The following POPDC2 variants were observed in gnomAD, a reference collection of about 807,000 sequenced individuals.
The protein encoded by POPDC2 is popeye domain-containing protein 2.
A neutral mutation model predicts 30.5 loss-of-function variants in POPDC2; 24 were observed. That is an observed-to-expected ratio of 0.79 (90% CI 0.57 to 1.11). POPDC2 has a LOEUF of 1.11. POPDC2 is among the 50% of genes least tolerant of loss of function. The pLI, the probability that POPDC2 is intolerant of heterozygous loss-of-function variation, is 0.00. For synonymous variants in POPDC2, 185 were observed against 183.3 expected, an observed-to-expected ratio of 1.01 and a Z score of -0.07; for missense variants, 409 against 447.0, an observed-to-expected ratio of 0.91 and a Z score of 0.77.
At chr3:119,648,054 C>T in intron 3 of POPDC2, 65 bp downstream of exon 3, 1 of 1,306,288 alleles carries the variant, frequency 7.7e-7, no homozygotes, top group Non-Finnish European at 1.0e-6. Flanking sequence ...TTTTTTTGCC[C>T]TAACAAGCTG....
At chr3:119,654,816 A>C in intron 1 of POPDC2, 1 of 531,292 alleles carries the variant, frequency 1.9e-6, no homozygotes, top group South Asian at 2.5e-5. Flanking sequence ...GACTTCCAGA[A>C]CCCTCATTTT....
intron 1 of POPDC2, among the ~76,000 whole-genome samples, chr3:119,659,598 T>A (rs1041107905): frequency 6.6e-6 from 1 of 152,232 alleles, no homozygotes; most frequent in Non-Finnish European, 1.5e-5. Flanking sequence ...AGCTTAGGCA[T>A]GACACACTGA....
At chr3:119,660,624 C>T (rs1380659026), upstream of POPDC2, 3 of 522,784 alleles carry the variant, frequency 5.7e-6, no homozygotes, top group Admixed American at 6.7e-5. Context: ...ATTTAAAAAC[C>T]TCTTTCTCTC....
At chr3:119,646,845 A>C (rs1242148629) in intron 3 of POPDC2, among the ~76,000 whole-genome samples, 7 of 152,346 alleles carry the variant, frequency 4.6e-5, no homozygotes, top group Non-Finnish European at 2.9e-5. Flanking sequence ...TCCATAGGAC[A>C]TAAGGAGCAT....
At chr3:119,643,367 CT>C in intron 3 of POPDC2, 1 of 1,534,220 alleles carries the variant, frequency 6.5e-7, no homozygotes, top group Non-Finnish European at 8.7e-7. Flanking sequence ...TTTGCTGTAC[CT>C]TTTGTTGTCA....
At chr3:119,649,275 G>A (rs1392871537) in intron 2 of POPDC2, among the ~76,000 whole-genome samples, 1 of 152,096 alleles carries the variant, frequency 6.6e-6, no homozygotes, top group African/African-American at 2.4e-5. Context: ...TCTGATGACT[G>A]AAATCAGAAA....
intron 2 of POPDC2, 64 bp downstream of exon 2, chr3:119,654,441 C>T (rs564273703): frequency 5.5e-6 from 6 of 1,091,522 alleles, no homozygotes; most frequent in South Asian, 5.1e-5. Context: ...AACATGGAGG[C>T]ACGGATATTG....
At chr3:119,650,719 C>T (rs1407427703) in intron 2 of POPDC2, among the ~76,000 whole-genome samples, 1 of 152,240 alleles carries the variant, frequency 6.6e-6, no homozygotes, top group Non-Finnish European at 1.5e-5. Context: ...ACTTGGTGAG[C>T]TCATCCTATC....
At chr3:119,642,773 C>T (rs2052705564) in intron 3 of POPDC2, among the ~76,000 whole-genome samples, 1 of 152,184 alleles carries the variant, frequency 6.6e-6, no homozygotes, top group African/African-American at 2.4e-5. Flanking sequence ...CTAGCCCAAT[C>T]CTCTCCTATT....
intron 1 of POPDC2, chr3:119,654,825 T>C: frequency 1.9e-6 from 1 of 528,262 alleles, no homozygotes; most frequent in Non-Finnish European, 3.4e-6. Context: ...AACCCTCATT[T>C]TTCCTCCTCC....
At chr3:119,649,826 C>G (rs923396587) in intron 2 of POPDC2, among the ~76,000 whole-genome samples, 1 of 152,110 alleles carries the variant, frequency 6.6e-6, no homozygotes, top group Non-Finnish European at 1.5e-5. Flanking sequence ...TCTCTTCTTT[C>G]CTTTCTGCTA....
At chr3:119,646,788 T>C (rs2052750499) in intron 3 of POPDC2, among the ~76,000 whole-genome samples, 1 of 151,346 alleles carries the variant, frequency 6.6e-6, no homozygotes, top group Non-Finnish European at 1.5e-5. Context: ...CTGCTGTGAG[T>C]CGAAGAGAGA....
chr3:119,646,505 G>A (rs374974460), intron 3 of POPDC2, among the ~76,000 whole-genome samples: 2 of 152,102 alleles, frequency 1.3e-5, no homozygotes, highest in South Asian at 2.1e-4. Flanking sequence ...CAGGCACAGC[G>A]ACATGTGCCT....
In POPDC2 at chr3:119,646,553, C is replaced by T. The variant is rs145785392; in HGVS notation, c.*43+1566G>A. 5.5e-3 allele frequency among the ~76,000 whole-genome samples: 836 copies of T among 152,144 alleles called. 11 individuals are homozygous for T. The highest frequency in any genetic ancestry group is 0.019 in the African/African-American group (774 of 41,502). ...ACTTGGGAGGCTGGGATGGGAGGAT[C>T]GCTTGAGCTTTTGGAGGTAGAGATT... On this transcript the variant is annotated intron_variant, in intron 3 of 3. Coordinates refer to ENST00000493094, the MANE Select transcript of POPDC2 (RefSeq NM_001369919.2).
At chr3:119,656,934 T>C (rs945893293) in intron 1 of POPDC2, among the ~76,000 whole-genome samples, 1 of 152,208 alleles carries the variant, frequency 6.6e-6, no homozygotes, top group African/African-American at 2.4e-5. Context: ...GTCTTTGTCT[T>C]TGAGGATTTC....
chr3:119,654,234 G>A (rs2052850925), intron 2 of POPDC2, among the ~76,000 whole-genome samples: 1 of 152,220 alleles, frequency 6.6e-6, no homozygotes, highest in Non-Finnish European at 1.5e-5. Flanking sequence ...CCTATAACAA[G>A]TGTGGGTTTT....
At chr3:119,657,686 C>T (rs1055823592) in intron 1 of POPDC2, among the ~76,000 whole-genome samples, 3 of 152,232 alleles carry the variant, frequency 2.0e-5, no homozygotes, top group Admixed American at 6.5e-5. Flanking sequence ...AGGCAAGCCA[C>T]CAAAGAGTGA....
chr3:119,655,748 G>A (rs555288237), intron 1 of POPDC2, among the ~76,000 whole-genome samples: 10 of 152,300 alleles, frequency 6.6e-5, no homozygotes, highest in Admixed American at 5.2e-4. Context: ...GTTGAGTGGC[G>A]AGCTTAAGGC....
intron 1 of POPDC2, among the ~76,000 whole-genome samples, chr3:119,658,284 G>C (rs1038597714): frequency 4.9e-4 from 75 of 151,968 alleles, no homozygotes; most frequent in African/African-American, 1.7e-3. Context: ...TCCAAACCTT[G>C]AAAGGCAGGA....
Sources: gnomAD v4.1 joint callset for allele counts (sites outside exome capture counted in the v4.1 genomes callset) on GRCh38, gnomAD v4.1.1 for gene constraint, MANE v1.5 for transcripts, NCBI Gene and HGNC (gene_info 2026-07-23, HGNC 2026-07-21) for gene names.